ENG: variants seen among roughly 807,000 people sequenced by gnomAD.
The protein encoded by ENG is CD105 antigen.
ENG carries 17 observed loss-of-function variants against 71.0 expected under a neutral mutation model. The observed-to-expected ratio is 0.24, with a 90% CI of 0.16 to 0.36. The LOEUF (loss-of-function observed/expected upper bound fraction) is 0.36, where lower values mean the gene tolerates loss of function less well. Among genes scored for constraint, ENG ranks in the 10% least tolerant of loss-of-function variants. ENG has a pLI of 1.00. For missense variants in ENG, 749 were observed against 868.3 expected (o/e 0.86, Z 1.73); for synonymous variants, 360 against 366.9 (o/e 0.98, Z 0.21).
At chr9:127,818,892 G>T in intron 10 of ENG, 60 bp from the exon 11 acceptor site, 1 of 1,458,362 alleles carries the variant, frequency 6.9e-7, no homozygotes, top group South Asian at 1.1e-5. Context: ...GAGGGCGAGG[G>T]GTGTGGGGAG....
At chr9:127,849,965 G>A (rs980561167) in intron 1 of ENG, among the ~76,000 whole-genome samples, 1 of 152,212 alleles carries the variant, frequency 6.6e-6, no homozygotes. Flanking sequence ...TTAGAGCAGC[G>A]TCTAGCATAC....
chr9:127,824,102 C>A (rs1033198063), intron 8 of ENG, among the ~76,000 whole-genome samples: 13 of 152,170 alleles, frequency 8.5e-5, no homozygotes, highest in Non-Finnish European at 1.2e-4. Context: ...TACTGTGCCA[C>A]GTGATTGGCC....
Position 127,846,816 on chromosome 9 carries a change from G to C in ENG, c.68-3571C>G. On this transcript the variant is annotated intron_variant, in intron 1 of 14. Coordinates refer to ENST00000373203, the MANE Select transcript of ENG (RefSeq NM_001114753.3). The surrounding 1 kb of genome is among the most constrained non-coding windows in gnomAD (Gnocchi z 5.5). ...GACTGGGTCAGAGGAGGAGCCGCTG[G>C]GGGCCTGGGTGACTGGAACCCCAAG... 1 of 966,000 alleles carries C rather than the reference G, an allele frequency of 1.0e-6. No homozygotes were observed. 59.8% of individuals were successfully genotyped at this position (966,000 alleles called of 1,614,324 possible).
chr9:127,838,929 A>G lies in ENG; in HGVS notation c.219+4165T>C, dbSNP rs2131910602. Among the ~76,000 whole-genome samples, 1 of 152,236 alleles carries G rather than the reference A, an allele frequency of 6.6e-6. No homozygotes were observed. The highest frequency in any genetic ancestry group is 1.5e-5 in the Non-Finnish European group (1 of 67,998). ...ACCCACAGGAAATCTGAGGATTCTG[A>G]GGGATGGACGGGAAAGCCACTTCTC... On this transcript the variant is annotated intron_variant, in intron 2 of 14. Coordinates refer to ENST00000373203, the MANE Select transcript of ENG (RefSeq NM_001114753.3). The surrounding 1 kb of genome is among the most constrained non-coding windows in gnomAD (Gnocchi z 4.3).
intron 3 of ENG, 63 bp downstream of exon 3, chr9:127,829,624 G>T: frequency 1.2e-6 from 2 of 1,605,542 alleles, no homozygotes; most frequent in Non-Finnish European, 1.7e-6. Flanking sequence ...GACCCACAGA[G>T]ATGGACAGTA....
rs1244130269 is a variant in ENG, at chr9:127,846,672, C to T, written c.68-3427G>A. ...ATCCTGGCCGCCCCCACCCCGCAGA[C>T]GAGAATGGGGAGACAGGAGGGAGTG... On this transcript the variant is annotated intron_variant, in intron 1 of 14. Coordinates refer to ENST00000373203, the MANE Select transcript of ENG (RefSeq NM_001114753.3). This position sits in a 1 kb window ranked among gnomAD's most constrained non-coding sequence, Gnocchi z 5.5. 4.6e-5 allele frequency among the ~76,000 whole-genome samples: 7 copies of T among 152,230 alleles called. No individual in the cohort carries two copies. Among genetic ancestry groups the T allele is most frequent in the South Asian group, 4.1e-4 (2 of 4,834 alleles).
chr9:127,854,249 G>A (rs747784603), intron 1 of ENG, 40 bp downstream of exon 1: 17 of 1,553,752 alleles, frequency 1.1e-5, no homozygotes, highest in African/African-American at 4.1e-5. Flanking sequence ...TCCGTGCACC[G>A]GAGGCCGAGT....
rs965106604 is a variant in ENG, at chr9:127,854,568, G to A, written c.-213C>T. 8 of 575,144 alleles carry A rather than the reference G, an allele frequency of 1.4e-5. No individual in the cohort carries two copies. The highest frequency in any genetic ancestry group is 3.9e-5 in the African/African-American group (2 of 51,202). The allele number at this position is 575,144 out of a possible 1,614,324, so 35.6% of individuals were successfully genotyped here. On this transcript the variant is annotated 5_prime_UTR_variant, in exon 1 of 15. Transcript: ENST00000373203. The stretch of plus-strand genomic sequence containing the variant: ...CGGGGCTGGGCTGGAGTTGCTGTCC[G>A]AAGGATGGGCGGGGAGGGGGTGCTG...
At position 127,836,979 on chromosome 9, in the gene ENG, G is replaced by A. The variant is rs1290417827; in HGVS notation, c.219+6115C>T. On this transcript the variant is annotated intron_variant, in intron 2 of 14. Coordinates refer to ENST00000373203, the MANE Select transcript of ENG (RefSeq NM_001114753.3). The surrounding 1 kb of genome is among the most constrained non-coding windows in gnomAD (Gnocchi z 4.0). ...ATTTTTGTATTTTTAGTAGAGACGGGGTTTCGCCCATGTCGGCCAGGCTGG... is the reference window on the plus strand; with the variant it reads ...ATTTTTGTATTTTTAGTAGAGACGGAGTTTCGCCCATGTCGGCCAGGCTGG... Among the ~76,000 whole-genome samples the A allele has an allele frequency of 6.6e-6, 1 of 152,130 alleles. No homozygotes were observed. The highest frequency in any genetic ancestry group is 1.5e-5 in the Non-Finnish European group (1 of 68,034).
intron 4 of ENG, 129 bp downstream of exon 4, chr9:127,826,381 G>T: frequency 1.7e-6 from 2 of 1,193,974 alleles, no homozygotes; most frequent in Non-Finnish European, 1.2e-6. Context: ...CTGGCTTGTG[G>T]CATGTGAACT....
At chr9:127,852,510 GCTC>G (rs1829053972) in intron 1 of ENG, among the ~76,000 whole-genome samples, 1 of 152,218 alleles carries the variant, frequency 6.6e-6, no homozygotes, top group African/African-American at 2.4e-5. Context: ...ACTGGGACCA[GCTC>G]CTACCTGCTC....
intron 2 of ENG, among the ~76,000 whole-genome samples, chr9:127,833,930 A>G (rs988730179): frequency 6.6e-6 from 1 of 152,234 alleles, no homozygotes; most frequent in African/African-American, 2.4e-5. Flanking sequence ...TCAATGTGTC[A>G]CAAATATTTT....
rs556475763 is a variant in ENG at position 127,816,826 on chromosome 9, T to C, written c.1741+323A>G. On this transcript the variant is annotated intron_variant, in intron 13 of 14. Transcript: ENST00000373203. ...CACCCACCCTCAAAGGGCCTCTGTC[T>C]CACCCAGGAGACTCCATCCTCCCAG... 7.6e-4 allele frequency: 347 copies of C among 457,224 alleles called. 2 individuals are homozygous for C. The highest frequency in any genetic ancestry group is 6.4e-3 in the African/African-American group (322 of 50,438). 28.3% of individuals were successfully genotyped at this position (457,224 alleles called of 1,614,324 possible).
At chr9:127,824,722 C>T (rs556999684) in intron 7 of ENG, 78 bp downstream of exon 7, 1 of 1,414,954 alleles carries the variant, frequency 7.1e-7, no homozygotes, top group South Asian at 1.5e-5. Flanking sequence ...CAAGCTCACA[C>T]AGAGGTGCTT....
At position 127,854,395 on chromosome 9, in the gene ENG, T is replaced by C. The variant is rs1829098523; in HGVS notation, c.-40A>G. On this transcript the variant is annotated 5_prime_UTR_variant, in exon 1 of 15. Transcript: ENST00000373203. ...GGCCTGTGCGCTGGGCCTTATCCTG[T>C]GTCCAGTGGCAGGGCTGCGGGCGGG... The C allele has an allele frequency of 6.5e-7, 1 of 1,547,156 alleles. No individual in the cohort carries two copies. The highest frequency in any genetic ancestry group is 8.7e-7 in the Non-Finnish European group (1 of 1,143,596).
chr9:127,817,887 T>A, intron 12 of ENG: 1 of 613,614 alleles, frequency 1.6e-6, no homozygotes, highest in Non-Finnish European at 2.9e-6. Flanking sequence ...GATGGATAGA[T>A]GGACAGTGGC....
intron 12 of ENG, chr9:127,817,475 C>G (rs1052320086): frequency 7.5e-6 from 4 of 532,194 alleles, no homozygotes; most frequent in Non-Finnish European, 1.4e-5. Context: ...GCATCCCTCA[C>G]CCTTGTGAAC....
intron 1 of ENG, among the ~76,000 whole-genome samples, chr9:127,848,427 T>C (rs1831222840): frequency 6.6e-6 from 1 of 151,986 alleles, no homozygotes; most frequent in Non-Finnish European, 1.5e-5. Flanking sequence ...CAGCTACAGG[T>C]ATGAGTCATT....
At chr9:127,821,923 G>C (rs1313211129) in intron 8 of ENG, among the ~76,000 whole-genome samples, 2 of 138,470 alleles carry the variant, frequency 1.4e-5, no homozygotes, top group Non-Finnish European at 3.1e-5. Flanking sequence ...GGTGGTGCAC[G>C]CCTGTATTCC....
Sources: allele counts gnomAD v4.1 joint callset (sites outside exome capture counted in the v4.1 genomes callset), GRCh38; gene constraint gnomAD v4.1.1; non-coding constraint Gnocchi (gnomAD v3.1); transcripts MANE v1.5; gene names NCBI Gene and HGNC (gene_info 2026-07-23, HGNC 2026-07-21).